Variants in DAB1 observed in about 807,000 individuals in gnomAD.
The protein encoded by DAB1 is DAB adaptor protein 1.
Under a neutral mutation model 64.6 loss-of-function variants are expected in DAB1, and 15 were observed. The ratio of observed to expected loss-of-function variants is 0.23; its 90% CI spans 0.16 to 0.36. The LOEUF is 0.36. Among genes scored for constraint, DAB1 ranks in the 10% least tolerant of loss-of-function variants. The probability of loss-of-function intolerance (pLI) is 1.00; values close to 1 mark genes in which losing one functional copy is unlikely to be tolerated. For synonymous variants in DAB1, 235 were observed against 251.9 expected, an observed-to-expected ratio of 0.93 and a Z score of 0.64; for missense variants, 596 against 706.7, an observed-to-expected ratio of 0.84 and a Z score of 1.78.
chr1:57,228,617 A>G (rs993367297), intron 2 of DAB1, among the ~76,000 whole-genome samples: 1 of 152,304 alleles, frequency 6.6e-6, no homozygotes, highest in East Asian at 1.9e-4. Flanking sequence ...GGAAACACTC[A>G]TACCCTGCTG....
chr1:58,449,060 G>T (rs1032395922), intron 3 of DAB1, among the ~76,000 whole-genome samples: 6 of 152,208 alleles, frequency 3.9e-5, no homozygotes, highest in Non-Finnish European at 7.3e-5. Context: ...GTCTGGCATA[G>T]AATATGAGTG....
intron 9 of DAB1, among the ~76,000 whole-genome samples, chr1:57,060,943 G>A (rs1350585226): frequency 3.3e-5 from 5 of 151,862 alleles, no homozygotes; most frequent in Non-Finnish European, 7.4e-5. Context: ...GTTTCCTTAC[G>A]TATCTAAACC....
intron 5 of DAB1, among the ~76,000 whole-genome samples, chr1:57,996,278 TA>T (rs1646424008): frequency 6.6e-6 from 1 of 152,164 alleles, no homozygotes; most frequent in Non-Finnish European, 1.5e-5. Context: ...AAAATAAGGA[TA>T]ATGATCTTCC....
At chr1:57,522,964 T>C (rs1644547087) in intron 7 of DAB1, among the ~76,000 whole-genome samples, 1 of 152,190 alleles carries the variant, frequency 6.6e-6, no homozygotes, top group Non-Finnish European at 1.5e-5. Context: ...CAGGGGCTTG[T>C]AGGCCTTTGG....
chr1:58,091,813 A>G (rs1211962594), intron 5 of DAB1, among the ~76,000 whole-genome samples: 1 of 151,574 alleles, frequency 6.6e-6, no homozygotes, highest in Non-Finnish European at 1.5e-5. Flanking sequence ...CCTGAGCTCA[A>G]AACTAATTAC....
At chr1:57,693,987 C>G (rs544192008) in intron 6 of DAB1, among the ~76,000 whole-genome samples, 131 of 152,176 alleles carry the variant, frequency 8.6e-4, no homozygotes, top group African/African-American at 3.0e-3. Context: ...TCCATTTTTG[C>G]TTTAGTTGCC....
intron 4 of DAB1, among the ~76,000 whole-genome samples, chr1:58,172,426 T>C (rs191271308): frequency 6.6e-6 from 1 of 152,298 alleles, no homozygotes; most frequent in Non-Finnish European, 1.5e-5. Context: ...CTACTCATGA[T>C]GTAAATGGCA....
chr1:57,106,110 A>G (rs1438926598), intron 4 of DAB1, among the ~76,000 whole-genome samples: 1 of 152,190 alleles, frequency 6.6e-6, no homozygotes, highest in African/African-American at 2.4e-5. Flanking sequence ...AGTTCCTAAT[A>G]GTTTCTCTCC....
intron 6 of DAB1, among the ~76,000 whole-genome samples, chr1:57,675,831 C>A (rs1646560141): frequency 6.6e-6 from 1 of 151,946 alleles, no homozygotes; most frequent in South Asian, 2.1e-4. Flanking sequence ...TTCAGATTGC[C>A]CAAGTGAGGG....
intron 4 of DAB1, among the ~76,000 whole-genome samples, chr1:58,297,389 G>A (rs1031895867): frequency 2.0e-5 from 3 of 152,092 alleles, no homozygotes; most frequent in East Asian, 1.9e-4. Flanking sequence ...CCCTGCCCTC[G>A]AAGAGCCCAT....
intron 6 of DAB1, among the ~76,000 whole-genome samples, chr1:57,706,910 T>TA (rs1646973496): frequency 6.6e-6 from 1 of 151,642 alleles, no homozygotes; most frequent in South Asian, 2.1e-4. Context: ...CCATCTCTAC[T>TA]AAAAATACAA....
chr1:57,551,567 C>CATAGTG (rs1483603574), intron 7 of DAB1, among the ~76,000 whole-genome samples: 5 of 152,154 alleles, frequency 3.3e-5, no homozygotes, highest in African/African-American at 9.7e-5. Flanking sequence ...GCTTCCCTCT[C>CATAGTG]ATAGTGTGAG....
At chr1:57,140,536 A>G (rs547028225) in intron 3 of DAB1, among the ~76,000 whole-genome samples, 4 of 152,266 alleles carry the variant, frequency 2.6e-5, no homozygotes, top group African/African-American at 7.2e-5. Flanking sequence ...TGCATGCTAC[A>G]AATATGTCCA....
intron 1 of DAB1, among the ~76,000 whole-genome samples, chr1:57,417,270 A>G (rs1422329471): frequency 6.7e-6 from 1 of 150,152 alleles, no homozygotes; most frequent in Non-Finnish European, 1.5e-5. Context: ...CAGAGGTTGC[A>G]AATTGTTTTT....
intron 3 of DAB1, among the ~76,000 whole-genome samples, chr1:58,471,255 G>T (rs1389866239): frequency 6.6e-6 from 1 of 152,148 alleles, no homozygotes; most frequent in East Asian, 1.9e-4. Context: ...CACTTGGAAG[G>T]CAGGGATAAA....
chr1:57,384,084 C>T (rs902270201), intron 1 of DAB1, among the ~76,000 whole-genome samples: 2 of 152,140 alleles, frequency 1.3e-5, no homozygotes, highest in Admixed American at 1.3e-4. Context: ...GAGCAAAAGA[C>T]TTGAATGCTC....
intron 3 of DAB1, among the ~76,000 whole-genome samples, chr1:58,358,976 A>ACACACACACACACACACACACT: frequency 6.9e-6 from 1 of 145,752 alleles, no homozygotes; most frequent in Admixed American, 6.9e-5. Context: ...ACACACACAC[A>ACACACACACACACACACACACT]CTCAAAGGAT....
At chr1:58,268,001 G>A (rs1661214555) in intron 4 of DAB1, among the ~76,000 whole-genome samples, 1 of 152,128 alleles carries the variant, frequency 6.6e-6, no homozygotes, top group Non-Finnish European at 1.5e-5. Context: ...GAGCCAGGCA[G>A]GGACTCAATC....
chr1:58,450,033 C>T (rs769399411), intron 3 of DAB1, among the ~76,000 whole-genome samples: 3 of 152,054 alleles, frequency 2.0e-5, no homozygotes, highest in Non-Finnish European at 4.4e-5. Flanking sequence ...AATGGGAGTA[C>T]GTGACATAAT....
Sources: allele counts gnomAD v4.1 joint callset (sites outside exome capture counted in the v4.1 genomes callset), GRCh38; gene constraint gnomAD v4.1.1; transcripts MANE v1.5; gene names NCBI Gene and HGNC (gene_info 2026-07-23, HGNC 2026-07-21).